The following CSMD1 variants were observed in gnomAD, a reference collection of about 807,000 sequenced individuals.
CSMD1 encodes the protein CUB and Sushi multiple domains 1.
CSMD1 carries 213 observed loss-of-function variants against 417.5 expected under a neutral mutation model. That is an observed-to-expected ratio of 0.51 (90% CI 0.46 to 0.57). CSMD1 has a LOEUF of 0.57. CSMD1 is among the 20% of genes least tolerant of loss of function. The pLI, the probability that CSMD1 is intolerant of heterozygous loss-of-function variation, is 0.00. For synonymous variants in CSMD1, 2,862 were observed against 1,736.8 expected (o/e 1.65, Z -16.11); for missense variants, 6,923 against 4,529.7 (o/e 1.53, Z -15.17).
chr8:3,362,141 G>C (rs754272001), intron 20 of CSMD1, among the ~76,000 whole-genome samples: 18 of 152,048 alleles, frequency 1.2e-4, no homozygotes, highest in Non-Finnish European at 2.5e-4. Context: ...TTAAGAATGA[G>C]ATAAACAACC....
At chr8:3,411,820 G>A (rs1346883986) in intron 12 of CSMD1, among the ~76,000 whole-genome samples, 139 of 82,098 alleles carry the variant, frequency 1.7e-3, no homozygotes, top group East Asian at 0.014. Context: ...ATATATACGT[G>A]TATATGTATA....
At chr8:3,157,653 G>A (rs1819615646) in intron 39 of CSMD1, among the ~76,000 whole-genome samples, 1 of 152,234 alleles carries the variant, frequency 6.6e-6, no homozygotes, top group South Asian at 2.1e-4. Context: ...CCGTGAGCGG[G>A]CAGTCTTGCC....
intron 59 of CSMD1, 108 bp downstream of exon 59, chr8:2,965,667 T>C: frequency 1.1e-6 from 1 of 879,934 alleles, no homozygotes; most frequent in Non-Finnish European, 1.7e-6. Context: ...TGTTCAAGAA[T>C]TCCTAGCCCC....
intron 3 of CSMD1, among the ~76,000 whole-genome samples, chr8:4,380,014 C>A (rs1333900146): frequency 3.9e-5 from 6 of 152,208 alleles, no homozygotes; most frequent in African/African-American, 1.4e-4. Flanking sequence ...ACTGCTGAAA[C>A]TCAATGTGGG....
At chr8:3,957,685 CG>C (rs972002407) in intron 5 of CSMD1, among the ~76,000 whole-genome samples, 2 of 141,678 alleles carry the variant, frequency 1.4e-5, no homozygotes, top group Admixed American at 7.3e-5. Context: ...AAGACCATGT[CG>C]GAAAAAAAAG....
intron 1 of CSMD1, among the ~76,000 whole-genome samples, chr8:4,656,155 A>C (rs576891715): frequency 2.6e-5 from 4 of 152,170 alleles, no homozygotes; most frequent in South Asian, 4.2e-4. Flanking sequence ...CAAGGATTAA[A>C]GGGAATGAGG....
At chr8:4,804,248 C>A (rs927383556) in intron 1 of CSMD1, among the ~76,000 whole-genome samples, 2 of 151,944 alleles carry the variant, frequency 1.3e-5, no homozygotes, top group Non-Finnish European at 2.9e-5. Flanking sequence ...TTCTAAAGCT[C>A]CAGGAAAATA....
At chr8:4,973,776 G>A (rs1007949145) in intron 1 of CSMD1, among the ~76,000 whole-genome samples, 2 of 152,110 alleles carry the variant, frequency 1.3e-5, no homozygotes, top group Non-Finnish European at 2.9e-5. Context: ...ATGTAAAAGG[G>A]AAACTTAGAA....
At chr8:3,943,175 CAATT>C (rs1385837203) in intron 5 of CSMD1, among the ~76,000 whole-genome samples, 1 of 151,912 alleles carries the variant, frequency 6.6e-6, no homozygotes, top group East Asian at 1.9e-4. Context: ...AAAAATGACT[CAATT>C]GAGGATGTTT....
At chr8:3,706,094 C>A (rs1175976474) in intron 7 of CSMD1, among the ~76,000 whole-genome samples, 1 of 152,206 alleles carries the variant, frequency 6.6e-6, no homozygotes, top group Non-Finnish European at 1.5e-5. Context: ...CTGGCCTGTG[C>A]CTACCTCCCC....
intron 12 of CSMD1, among the ~76,000 whole-genome samples, chr8:3,435,559 G>T (rs749881023): frequency 6.6e-6 from 1 of 152,034 alleles, no homozygotes; most frequent in African/African-American, 2.4e-5. Flanking sequence ...TGGAGACTTC[G>T]AATCAGCACA....
intron 2 of CSMD1, among the ~76,000 whole-genome samples, chr8:4,455,108 T>G (rs1799388391): frequency 6.6e-6 from 1 of 152,144 alleles, no homozygotes; most frequent in Non-Finnish European, 1.5e-5. Context: ...GTCTGACACG[T>G]AATAAAGGAT....
At chr8:4,958,335 C>G (rs563566472) in intron 1 of CSMD1, among the ~76,000 whole-genome samples, 1 of 151,970 alleles carries the variant, frequency 6.6e-6, no homozygotes, top group Non-Finnish European at 1.5e-5. Context: ...TTGTCAAAAT[C>G]AAGTTAAAGG....
chr8:4,609,129 C>CTGGCTCAT (rs1304573103), intron 2 of CSMD1, among the ~76,000 whole-genome samples: 2 of 152,186 alleles, frequency 1.3e-5, no homozygotes, highest in African/African-American at 4.8e-5. Context: ...GCCAGATGCG[C>CTGGCTCAT]TGGCTCATGC....
chr8:4,487,434 C>T (rs562133777), intron 2 of CSMD1, among the ~76,000 whole-genome samples: 29 of 152,064 alleles, frequency 1.9e-4, no homozygotes, highest in Non-Finnish European at 3.8e-4. Context: ...TTCGTTCTTG[C>T]GATACATTAC....
At chr8:4,579,929 C>A (rs779007626) in intron 2 of CSMD1, among the ~76,000 whole-genome samples, 1 of 152,138 alleles carries the variant, frequency 6.6e-6, no homozygotes, top group African/African-American at 2.4e-5. Flanking sequence ...AGATGCATAG[C>A]TCGATTTCCT....
intron 35 of CSMD1, 25 bp from the exon 36 acceptor site, chr8:3,187,990 A>C (rs368495634): frequency 6.3e-7 from 1 of 1,597,484 alleles, no homozygotes; most frequent in African/African-American, 1.3e-5. Context: ...CATTAAGTTA[A>C]TATTTATTTT....
At chr8:4,417,956 C>G (rs148672059) in intron 3 of CSMD1, among the ~76,000 whole-genome samples, 74 of 152,108 alleles carry the variant, frequency 4.9e-4, no homozygotes, top group African/African-American at 1.6e-3. Flanking sequence ...CTCTTCTACT[C>G]TAGATTATCT....
chr8:4,795,558 G>A (rs905156228), intron 1 of CSMD1, among the ~76,000 whole-genome samples: 1 of 151,986 alleles, frequency 6.6e-6, no homozygotes, highest in East Asian at 1.9e-4. Flanking sequence ...CACCGCACCC[G>A]GCCAGCTTTC....
Sources: allele counts gnomAD v4.1 joint callset (sites outside exome capture counted in the v4.1 genomes callset), GRCh38; gene constraint gnomAD v4.1.1; transcripts MANE v1.5; gene names NCBI Gene and HGNC (gene_info 2026-07-23, HGNC 2026-07-21).